Variants in WRNIP1 observed in about 807,000 individuals in gnomAD.
The protein encoded by WRNIP1 is ATPase WRNIP1.
Under a neutral mutation model 56.1 loss-of-function variants are expected in WRNIP1, and 41 were observed. The observed-to-expected ratio is 0.73, with a 90% CI of 0.57 to 0.95. WRNIP1 has a LOEUF of 0.95. Among genes scored for constraint, WRNIP1 ranks in the 40% least tolerant of loss-of-function variants. The probability of loss-of-function intolerance (pLI) is 0.00; values close to 1 mark genes in which losing one functional copy is unlikely to be tolerated. For synonymous variants in WRNIP1, 547 were observed against 398.1 expected (o/e 1.37, Z -4.45); for missense variants, 1,170 against 939.4 (o/e 1.25, Z -3.21).
At position 2,765,778 on chromosome 6, in the gene WRNIP1, C is replaced by T. The variant is rs200851664; in HGVS notation, c.156C>T (p.Ala52=). Residue 52 remains alanine (A), a synonymous_variant, in exon 1 of 7, where the codon GCC becomes GCT. Coordinates refer to ENST00000380773, the MANE Select transcript of WRNIP1 (RefSeq NM_020135.3). The part of the protein sequence containing the change: ...LHPAGHAEPA[A]GSHRAGERAK... ...CGGCGGGGCACGCGGAGCCCGCGGC[C>T]GGGTCGCACCGCGCCGGGGAGCGGG... The T allele has an allele frequency of 1.2e-3, 1,708 of 1,442,268 alleles. 19 individuals are homozygous for T. In the African/African-American group the frequency reaches 0.023, roughly 19 times the overall value. The allele number at this position is 1,442,268 out of a possible 1,614,324, so 89.3% of individuals were successfully genotyped here.
intron 3 of WRNIP1, 93 bp from the exon 4 acceptor site, chr6:2,779,170 G>T: frequency 7.5e-7 from 1 of 1,328,562 alleles, no homozygotes; most frequent in Non-Finnish European, 1.1e-6. Flanking sequence ...ACTCTTCAGT[G>T]TCCTTGCTGA....
chr6:2,779,524 C>T, intron 4 of WRNIP1, 32 bp downstream of exon 4: 1 of 1,590,698 alleles, frequency 6.3e-7, no homozygotes, highest in Non-Finnish European at 8.6e-7. Flanking sequence ...AGAGTGAAAC[C>T]ATACGGAAAG....
At position 2,766,369 on chromosome 6, in the gene WRNIP1, T is replaced by G; in HGVS notation, c.747T>G (p.Asp249Glu). Residue 249 changes from aspartate (D) to glutamate (E), a missense_variant, in exon 1 of 7, where the codon GAT becomes GAG. By Grantham distance (45) the Asp-to-Glu change is conservative. Transcript: ENST00000380773. ...YFGQSKAVGQ[D>E]TLLRSLLETN... ...GGCAGAGCAAGGCCGTGGGCCAGGA[T>G]ACCCTGCTGCGCTCGCTCCTGGAGA... 1 of 1,609,774 alleles carries G rather than the reference T, an allele frequency of 6.2e-7. No homozygotes were observed. The highest frequency in any genetic ancestry group is 8.5e-7 in the Non-Finnish European group (1 of 1,178,528).
intron 3 of WRNIP1, among the ~76,000 whole-genome samples, chr6:2,774,878 T>A (rs1236345032): frequency 3.0e-4 from 46 of 152,262 alleles, no homozygotes; most frequent in Admixed American, 3.0e-3. Flanking sequence ...GAGAGTATGC[T>A]GTTGCACAGT....
intron 3 of WRNIP1, among the ~76,000 whole-genome samples, chr6:2,777,955 G>A (rs974702277): frequency 4.6e-5 from 7 of 152,200 alleles, no homozygotes; most frequent in African/African-American, 1.4e-4. Context: ...GTTGTCTTAG[G>A]TGTGGTGAGA....
intron 4 of WRNIP1, among the ~76,000 whole-genome samples, chr6:2,781,397 G>A (rs990815372): frequency 3.9e-5 from 6 of 152,210 alleles, no homozygotes; most frequent in African/African-American, 9.7e-5. Context: ...CAGTGGATCC[G>A]CAGACACATA....
chr6:2,781,988 A>G (rs1765572059), intron 4 of WRNIP1, among the ~76,000 whole-genome samples: 1 of 152,230 alleles, frequency 6.6e-6, no homozygotes, highest in Non-Finnish European at 1.5e-5. Context: ...TACTGGTGGT[A>G]TTGCCCCTGG....
intron 3 of WRNIP1, chr6:2,773,972 G>A (rs1765374270): frequency 3.0e-6 from 3 of 985,138 alleles, no homozygotes; most frequent in Non-Finnish European, 3.6e-6. Flanking sequence ...GGAGAGGAGA[G>A]CCCCTGACAA....
rs757603585 is a variant in WRNIP1 at position 2,779,324 on chromosome 6, G to A, written c.1318G>A (p.Ala440Thr). ...DTLAYLSDGD[A>T]RAGLNGLQLA... ...CCTGGCTTACCTCAGTGACGGTGAC[G>A]CCCGAGCTGGGTTGAACGGACTGCA... is the stretch of plus-strand genomic sequence containing the variant. The change falls in exon 4 of 7, where the codon GCC becomes ACC. Residue 440 changes from alanine (A) to threonine (T), a missense_variant. Physicochemically the swap from Ala to Thr is moderately conservative, Grantham distance 58. Transcript: ENST00000380773. 4 of 1,614,214 alleles carry A rather than the reference G, an allele frequency of 2.5e-6. No homozygotes were observed. Among genetic ancestry groups the A allele is most frequent in the Non-Finnish European group, 3.4e-6 (4 of 1,180,036 alleles).
chr6:2,770,815 A>T (rs1765253439), intron 3 of WRNIP1, among the ~76,000 whole-genome samples: 1 of 152,236 alleles, frequency 6.6e-6, no homozygotes, highest in African/African-American at 2.4e-5. Context: ...TTGTTAAAAA[A>T]AAAAAATCAA....
In WRNIP1 at chr6:2,786,449, A is replaced by T. The variant is rs1765716084; in HGVS notation, c.*1167A>T. The T allele has an allele frequency of 6.6e-6, 1 of 152,358 alleles. No individual in the cohort carries two copies. The highest frequency in any genetic ancestry group is 2.1e-4 in the South Asian group (1 of 4,836). The allele number at this position is 152,358 out of a possible 1,614,324, so 9.4% of individuals were successfully genotyped here. The stretch of plus-strand genomic sequence containing the variant: ...CTGGAGTGGTTGCACTGCAGTGTGC[A>T]GTTGCCATCCCCAGAATCTCCCTTC... On this transcript the variant is annotated 3_prime_UTR_variant, in exon 7 of 7. Coordinates refer to ENST00000380773, the MANE Select transcript of WRNIP1 (RefSeq NM_020135.3).
chr6:2,766,144 CGACGGG>C lies in WRNIP1; in HGVS notation c.527_532del (p.Gly176_Asp177del), dbSNP rs1764962861. On this transcript the variant is annotated inframe_deletion, in exon 1 of 7. Coordinates refer to ENST00000380773, the MANE Select transcript of WRNIP1 (RefSeq NM_020135.3). ...AGGAGGCCGTGGGCGACGGCGATGG[CGACGGG>C]GACGCGGACGCGGACGGCGAGGACG... The C allele has an allele frequency of 1.1e-5, 15 of 1,314,388 alleles. No homozygotes were observed. The highest frequency in any genetic ancestry group is 4.3e-5 in the South Asian group (2 of 46,334). 81.4% of individuals were successfully genotyped at this position (1,314,388 alleles called of 1,614,324 possible).
chr6:2,766,168 C>G lies in WRNIP1; in HGVS notation c.546C>G (p.Gly182=). Residue 182 remains glycine, a synonymous_variant, in exon 1 of 7, where the codon GGC becomes GGG. Coordinates refer to ENST00000380773, the MANE Select transcript of WRNIP1 (RefSeq NM_020135.3). Reference sequence around the variant, plus strand: ...GCGACGGGGACGCGGACGCGGACGGCGAGGACGACCCGGGGCACTGGGACG... The same window carrying G: ...GCGACGGGGACGCGGACGCGGACGGGGAGGACGACCCGGGGCACTGGGACG... ...GDGDGDADAD[G]EDDPGHWDAD... The G allele has an allele frequency of 7.5e-7, 1 of 1,340,152 alleles. No individual in the cohort carries two copies. Among genetic ancestry groups the G allele is most frequent in the Non-Finnish European group, 9.5e-7 (1 of 1,051,640 alleles). The allele number at this position is 1,340,152 out of a possible 1,614,324, so 83.0% of individuals were successfully genotyped here.
At position 2,784,233 on chromosome 6, in the gene WRNIP1, CAAGCAG is replaced by C. The variant is rs1441077385; in HGVS notation, c.1643-90_1643-85del. The C allele has an allele frequency of 9.1e-6, 11 of 1,209,974 alleles. 1 individual carries two copies. The African/African-American group carries it at 1.7e-4, about 18-fold the overall frequency. 75.0% of individuals were successfully genotyped at this position (1,209,974 alleles called of 1,614,324 possible). On this transcript the variant is annotated intron_variant, in intron 5 of 6. Coordinates refer to ENST00000380773, the MANE Select transcript of WRNIP1 (RefSeq NM_020135.3). ...GGGATTGTTTTGGTCACCAAGTGTA[CAAGCAG>C]TGGTGGTCTGTGGTCGCCTGCACAT...
rs761269875 is a variant in WRNIP1, at chr6:2,784,364, C to T, written c.1683C>T (p.Ala561=). 77 of 1,613,980 alleles carry T rather than the reference C, an allele frequency of 4.8e-5. No homozygotes were observed. The highest frequency in any genetic ancestry group is 6.1e-5 in the Non-Finnish European group (72 of 1,179,962). Residue 561 remains alanine, a synonymous_variant, in exon 6 of 7, where the codon GCC becomes GCT. Coordinates refer to ENST00000380773, the MANE Select transcript of WRNIP1 (RefSeq NM_020135.3). The part of the protein sequence containing the change: ...DPSALTQAVA[A]YQGCHFIGMP... ...CTGCGTTAACACAAGCGGTTGCTGC[C>T]TACCAAGGCTGTCATTTTATAGGCA...
intron 4 of WRNIP1, among the ~76,000 whole-genome samples, chr6:2,780,748 C>T (rs906817294): frequency 6.6e-6 from 1 of 152,124 alleles, no homozygotes; most frequent in African/African-American, 2.4e-5. Context: ...CCGGGATCGC[C>T]ATTGTTTCTG....
chr6:2,769,995 G>A, intron 2 of WRNIP1, 125 bp from the exon 3 acceptor site: 2 of 1,362,636 alleles, frequency 1.5e-6, no homozygotes, highest in Admixed American at 2.0e-5. Context: ...ATATAAGGCT[G>A]CTGCTATTCC....
At chr6:2,776,389 G>A (rs1395646875) in intron 3 of WRNIP1, among the ~76,000 whole-genome samples, 1 of 152,170 alleles carries the variant, frequency 6.6e-6, no homozygotes, top group Non-Finnish European at 1.5e-5. Context: ...TCTGGGCCTC[G>A]AAATACTTTC....
chr6:2,777,151 G>T (rs1286041715), intron 3 of WRNIP1, among the ~76,000 whole-genome samples: 1 of 152,182 alleles, frequency 6.6e-6, no homozygotes. Flanking sequence ...TGGAAATATG[G>T]ATTCTTTTTG....
Sources: gnomAD v4.1 joint callset for allele counts (sites outside exome capture counted in the v4.1 genomes callset) on GRCh38, gnomAD v4.1.1 for gene constraint, MANE v1.5 for transcripts, NCBI Gene and HGNC (gene_info 2026-07-23, HGNC 2026-07-21) for gene names.